PRUNE2: variants seen among roughly 807,000 people sequenced by gnomAD.
PRUNE2 encodes prune homolog 2 with BCH domain, also known as protein prune homolog 2.
A neutral mutation model predicts 252.0 loss-of-function variants in PRUNE2; 164 were observed. That is an observed-to-expected ratio of 0.65 (90% CI 0.57 to 0.74). The LOEUF is 0.74. PRUNE2 is among the 30% of genes least tolerant of loss of function. PRUNE2 has a pLI of 0.00. For missense variants in PRUNE2, 3,495 were observed against 3,711.0 expected (o/e 0.94, Z 1.51); for synonymous variants, 1,292 against 1,350.2 (o/e 0.96, Z 0.94).
chr9:76,660,132 A>AT, intron 9 of PRUNE2, among the ~76,000 whole-genome samples: 1 of 152,322 alleles, frequency 6.6e-6, no homozygotes, highest in Middle Eastern at 3.4e-3. Flanking sequence ...AAGAGTTATT[A>AT]TAGAAGGCTG....
At chr9:76,838,159 CT>C (rs76234279) in intron 4 of PRUNE2, among the ~76,000 whole-genome samples, 10 of 149,882 alleles carry the variant, frequency 6.7e-5, no homozygotes, top group East Asian at 3.9e-4. Flanking sequence ...TGATCTTGAC[CT>C]TTTTTTTTCT....
At chr9:76,862,656 G>A (rs983609525) in intron 1 of PRUNE2, 8 of 151,930 alleles carry the variant, frequency 5.3e-5, no homozygotes, top group African/African-American at 1.9e-4. Context: ...GTCACCTAAG[G>A]TTTATATCTT....
In PRUNE2 at chr9:76,705,159, A is replaced by G. The variant is rs757751812; in HGVS notation, c.7115T>C (p.Phe2372Ser). The change falls in exon 8 of 19, where the codon TTC (phenylalanine) becomes TCC (serine). Residue 2372 changes from phenylalanine (F) to serine (S), a missense_variant. Phe to Ser is a radical substitution (Grantham distance 155). Coordinates refer to ENST00000376718, the MANE Select transcript of PRUNE2 (RefSeq NM_015225.3). ...DEDLLREPEH[F>S]LYGGDPPLEE... Reference sequence around the variant, plus strand: ...CAAAGGAGGGTCACCACCATACAGGAAGTGTTCAGGCTCTCTCAGTAAATC... The same window carrying G: ...CAAAGGAGGGTCACCACCATACAGGGAGTGTTCAGGCTCTCTCAGTAAATC... 2.5e-6 allele frequency: 4 copies of G among 1,613,876 alleles called. No individual in the cohort carries two copies. The highest frequency in any genetic ancestry group is 1.3e-5 in the African/African-American group (1 of 74,908).
intron 6 of PRUNE2, among the ~76,000 whole-genome samples, chr9:76,773,496 T>A (rs1194542872): frequency 2.1e-5 from 3 of 144,422 alleles, no homozygotes; most frequent in Non-Finnish European, 3.0e-5. Flanking sequence ...CAGGCTGGAG[T>A]GCAGTGGTGC....
chr9:76,792,222 A>G (rs955927367), intron 6 of PRUNE2, among the ~76,000 whole-genome samples: 4 of 152,092 alleles, frequency 2.6e-5, no homozygotes, highest in Non-Finnish European at 4.4e-5. Context: ...GTGATAGTAA[A>G]TAAGTCTCTG....
chr9:76,742,937 G>A (rs2049775334), intron 6 of PRUNE2, among the ~76,000 whole-genome samples: 1 of 152,186 alleles, frequency 6.6e-6, no homozygotes, highest in Admixed American at 6.5e-5. Flanking sequence ...ATCTTGAATT[G>A]TAGTTCCCAT....
intron 6 of PRUNE2, among the ~76,000 whole-genome samples, chr9:76,797,250 G>C (rs574166492): frequency 2.6e-5 from 4 of 151,378 alleles, no homozygotes; most frequent in Non-Finnish European, 4.4e-5. Context: ...CTATATAATT[G>C]AAAAAAAATA....
At chr9:76,834,311 T>C (rs1280223838) in intron 4 of PRUNE2, among the ~76,000 whole-genome samples, 1 of 152,218 alleles carries the variant, frequency 6.6e-6, no homozygotes, top group Non-Finnish European at 1.5e-5. Context: ...TCTTTCCTCA[T>C]AGATGACACA....
chr9:76,753,380 T>C (rs576173803), intron 6 of PRUNE2, among the ~76,000 whole-genome samples: 22 of 152,286 alleles, frequency 1.4e-4, no homozygotes, highest in Non-Finnish European at 2.5e-4. Context: ...ATATGAAACT[T>C]ACAATATGAC....
chr9:76,826,369 G>C (rs2058345318), intron 5 of PRUNE2, among the ~76,000 whole-genome samples: 1 of 152,126 alleles, frequency 6.6e-6, no homozygotes, highest in Non-Finnish European at 1.5e-5. Context: ...CAGCTACTTG[G>C]GAGACAGGCA....
intron 1 of PRUNE2, chr9:76,868,848 G>GC (rs2061008456): frequency 8.6e-6 from 1 of 116,904 alleles, no homozygotes; most frequent in Admixed American, 8.8e-5. Context: ...GGGGGGGGGG[G>GC]CGGGGGGGAA....
intron 1 of PRUNE2, among the ~76,000 whole-genome samples, chr9:76,900,087 G>A (rs982894848): frequency 6.6e-6 from 1 of 152,148 alleles, no homozygotes; most frequent in Admixed American, 6.5e-5. Context: ...TTAGGGAAGA[G>A]ATGAAGGAAA....
intron 6 of PRUNE2, among the ~76,000 whole-genome samples, chr9:76,792,703 T>A (rs142021099): frequency 2.2e-3 from 339 of 152,380 alleles, no homozygotes; most frequent in African/African-American, 7.8e-3. Flanking sequence ...TATTTAAGTC[T>A]TTTGTTCTTT....
At chr9:76,693,458 T>TTTTTTTTTTTTTTTTC (rs2045025455) in intron 9 of PRUNE2, among the ~76,000 whole-genome samples, 1 of 88,782 alleles carries the variant, frequency 1.1e-5, no homozygotes, top group African/African-American at 3.9e-5. Context: ...TTTTTTTTTT[T>TTTTTTTTTTTTTTTTC]TTGGAGACGG....
At chr9:76,688,691 T>C (rs552922876) in intron 9 of PRUNE2, among the ~76,000 whole-genome samples, 3 of 152,324 alleles carry the variant, frequency 2.0e-5, no homozygotes, top group South Asian at 4.1e-4. Flanking sequence ...TCTTGCATCA[T>C]TGCCAGTCTA....
intron 1 of PRUNE2, chr9:76,863,235 T>G (rs1329053651): frequency 6.6e-6 from 1 of 152,206 alleles, no homozygotes; most frequent in Non-Finnish European, 1.5e-5. Context: ...ATTTTAATGT[T>G]CACCAGAAAG....
chr9:76,779,570 T>C (rs187198125), intron 6 of PRUNE2: 6 of 152,310 alleles, frequency 3.9e-5, no homozygotes, highest in Non-Finnish European at 8.8e-5. Flanking sequence ...AGGACAGCAT[T>C]GTGGCTTGGA....
chr9:76,764,137 G>A (rs2052056352), intron 6 of PRUNE2, among the ~76,000 whole-genome samples: 1 of 152,160 alleles, frequency 6.6e-6, no homozygotes, highest in Admixed American at 6.5e-5. Context: ...TGTGTTTCTG[G>A]CACTGTTCTA....
intron 6 of PRUNE2, among the ~76,000 whole-genome samples, chr9:76,818,141 T>C (rs766109421): frequency 2.0e-5 from 3 of 152,152 alleles, no homozygotes; most frequent in African/African-American, 2.4e-5. Context: ...AACTAACATA[T>C]GCTCCCCCAA....
Sources: gnomAD v4.1 joint callset for allele counts (sites outside exome capture counted in the v4.1 genomes callset) on GRCh38, gnomAD v4.1.1 for gene constraint, MANE v1.5 for transcripts, NCBI Gene and HGNC (gene_info 2026-07-23, HGNC 2026-07-21) for gene names.